HS3ST4: variants seen among roughly 807,000 people sequenced by gnomAD.
HS3ST4 encodes the protein heparan sulfate-glucosamine 3-sulfotransferase 4, also known as heparan sulfate glucosamine 3-O-sulfotransferase 4.
HS3ST4 carries 17 observed loss-of-function variants against 29.2 expected under a neutral mutation model. That is an observed-to-expected ratio of 0.58 (90% CI 0.40 to 0.87). The LOEUF (loss-of-function observed/expected upper bound fraction) is 0.87. HS3ST4 is among the 40% of genes least tolerant of loss of function. The pLI is 0.00. For synonymous variants in HS3ST4, 314 were observed against 285.7 expected (o/e 1.10, Z -1.00); for missense variants, 627 against 634.5 (o/e 0.99, Z 0.13).
intron 1 of HS3ST4, among the ~76,000 whole-genome samples, chr16:25,913,545 A>G (rs1452052452): frequency 6.6e-6 from 1 of 152,266 alleles, no homozygotes; most frequent in Admixed American, 6.5e-5. Context: ...CCAGTGGACT[A>G]AAGCATTCCA....
At chr16:25,846,563 T>C (rs1035293150) in intron 1 of HS3ST4, among the ~76,000 whole-genome samples, 2 of 151,808 alleles carry the variant, frequency 1.3e-5, no homozygotes, top group African/African-American at 4.8e-5. Context: ...TATTTTTTTT[T>C]CCCCAGTTTG....
chr16:25,751,269 ATGTG>A (rs1238325092), intron 1 of HS3ST4, among the ~76,000 whole-genome samples: 2 of 151,984 alleles, frequency 1.3e-5, no homozygotes, highest in Non-Finnish European at 2.9e-5. Context: ...ATGTGGATGG[ATGTG>A]TGTATTTATG....
chr16:25,963,562 C>T (rs1968814696), intron 1 of HS3ST4, among the ~76,000 whole-genome samples: 1 of 152,216 alleles, frequency 6.6e-6, no homozygotes, highest in African/African-American at 2.4e-5. Context: ...GTTTCCCATT[C>T]CTCGACAGAA....
chr16:26,132,101 C>A (rs970726039), intron 1 of HS3ST4, among the ~76,000 whole-genome samples: 10 of 152,134 alleles, frequency 6.6e-5, no homozygotes, highest in African/African-American at 2.4e-4. Flanking sequence ...CTTTATGTAT[C>A]AGCTGTGGGA....
At chr16:25,920,066 T>C (rs569075437) in intron 1 of HS3ST4, among the ~76,000 whole-genome samples, 2 of 152,292 alleles carry the variant, frequency 1.3e-5, no homozygotes, top group South Asian at 4.2e-4. Flanking sequence ...CTCTTTCCAC[T>C]GTACTGTCTT....
intron 1 of HS3ST4, among the ~76,000 whole-genome samples, chr16:25,922,528 C>G (rs1968363986): frequency 6.6e-6 from 1 of 152,320 alleles, no homozygotes; most frequent in South Asian, 2.1e-4. Flanking sequence ...GCAGCCTGAA[C>G]TGACTAAGAC....
At chr16:25,859,553 T>G (rs1290546569) in intron 1 of HS3ST4, among the ~76,000 whole-genome samples, 1 of 152,230 alleles carries the variant, frequency 6.6e-6, no homozygotes, top group African/African-American at 2.4e-5. Flanking sequence ...CTAAATTACA[T>G]AGTCTGTGCT....
chr16:26,065,604 C>T (rs891598469), intron 1 of HS3ST4, among the ~76,000 whole-genome samples: 1 of 151,892 alleles, frequency 6.6e-6, no homozygotes, highest in Non-Finnish European at 1.5e-5. Flanking sequence ...CAAATCTGCA[C>T]TTGTACCCCT....
rs1012951161 is a variant in HS3ST4 at position 26,046,866 on chromosome 16, C to T, written c.735-88746C>T. Among the ~76,000 whole-genome samples, 4 of 152,218 alleles carry T rather than the reference C, an allele frequency of 2.6e-5. No individual in the cohort carries two copies. The South Asian group carries it at 8.3e-4, about 32-fold the overall frequency. ...TGTTAGTATTCCCATTTGACAGATG[C>T]AGAAATGAGTCACTTTAATTCATCC... On this transcript the variant is annotated intron_variant, in intron 1 of 1. Transcript: ENST00000331351.
intron 1 of HS3ST4, among the ~76,000 whole-genome samples, chr16:26,130,912 A>T (rs1345879188): frequency 6.6e-6 from 1 of 152,174 alleles, no homozygotes; most frequent in Non-Finnish European, 1.5e-5. Flanking sequence ...CCACCTGGGT[A>T]TGTAGGACAT....
chr16:25,718,473 A>G (rs945530350), intron 1 of HS3ST4, among the ~76,000 whole-genome samples: 5 of 151,004 alleles, frequency 3.3e-5, no homozygotes, highest in Admixed American at 1.3e-4. Flanking sequence ...GCAATAGGAG[A>G]GAAGGTAGAT....
At chr16:25,723,533 C>T (rs1966510696) in intron 1 of HS3ST4, among the ~76,000 whole-genome samples, 1 of 152,152 alleles carries the variant, frequency 6.6e-6, no homozygotes, top group South Asian at 2.1e-4. Context: ...ACAAATTTGA[C>T]CAGTATACCC....
chr16:25,867,471 G>A (rs1276647673), intron 1 of HS3ST4, among the ~76,000 whole-genome samples: 8 of 152,090 alleles, frequency 5.3e-5, no homozygotes, highest in Non-Finnish European at 7.4e-5. Context: ...TTAGAATCCC[G>A]TGCTAGTAAG....
chr16:25,724,151 A>G (rs1189581774), intron 1 of HS3ST4, among the ~76,000 whole-genome samples: 3 of 149,574 alleles, frequency 2.0e-5, no homozygotes, highest in Non-Finnish European at 4.4e-5. Flanking sequence ...ACCACCTGCC[A>G]TTGTTTCCCC....
chr16:25,814,988 A>G (rs1967078965), intron 1 of HS3ST4, among the ~76,000 whole-genome samples: 1 of 152,184 alleles, frequency 6.6e-6, no homozygotes, highest in Non-Finnish European at 1.5e-5. Context: ...GCCTGGAGAA[A>G]TTAGACCTGC....
intron 1 of HS3ST4, among the ~76,000 whole-genome samples, chr16:26,131,380 C>T (rs1437735145): frequency 2.0e-5 from 3 of 152,200 alleles, no homozygotes; most frequent in Non-Finnish European, 4.4e-5. Context: ...TTTCCATGGC[C>T]CATAAGGCCC....
chr16:26,039,262 C>T (rs1969611762), intron 1 of HS3ST4, among the ~76,000 whole-genome samples: 1 of 152,166 alleles, frequency 6.6e-6, no homozygotes, highest in African/African-American at 2.4e-5. Context: ...ATGTCTATTA[C>T]ACTCTAAATC....
chr16:26,085,801 G>A (rs1390647596), intron 1 of HS3ST4, among the ~76,000 whole-genome samples: 1 of 151,722 alleles, frequency 6.6e-6, no homozygotes, highest in Non-Finnish European at 1.5e-5. Flanking sequence ...TTGAGCCCAG[G>A]AGATTGAAGC....
intron 1 of HS3ST4, among the ~76,000 whole-genome samples, chr16:26,067,810 A>G (rs554962486): frequency 5.9e-5 from 9 of 152,246 alleles, no homozygotes; most frequent in Non-Finnish European, 8.8e-5. Context: ...TGCTGTTCTC[A>G]TGGTAGTGAA....
Sources: gnomAD v4.1 joint callset for allele counts (sites outside exome capture counted in the v4.1 genomes callset) on GRCh38, gnomAD v4.1.1 for gene constraint, MANE v1.5 for transcripts, NCBI Gene and HGNC (gene_info 2026-07-23, HGNC 2026-07-21) for gene names.